Variants in PNKD observed in about 807,000 individuals in gnomAD.
The protein encoded by PNKD is probable thioesterase PNKD.
In PNKD, 36 loss-of-function variants were observed where a neutral mutation model predicts 45.3. The observed-to-expected ratio is 0.80, with a 90% CI of 0.61 to 1.05. The LOEUF (loss-of-function observed/expected upper bound fraction) is 1.05. Among genes scored for constraint, PNKD ranks in the 50% least tolerant of loss-of-function variants. The pLI, the probability that PNKD is intolerant of heterozygous loss-of-function variation, is 0.00. For missense variants in PNKD, 511 were observed against 506.6 expected, an observed-to-expected ratio of 1.01 and a Z score of -0.08; for synonymous variants, 197 against 210.1, an observed-to-expected ratio of 0.94 and a Z score of 0.54.
At chr2:218,278,327 A>C in intron 2 of PNKD, 1 of 641,802 alleles carries the variant, frequency 1.6e-6, no homozygotes, top group Non-Finnish European at 2.7e-6. Flanking sequence ...TAAGAGTGAC[A>C]GCTAGTTAGC....
intron 2 of PNKD, among the ~76,000 whole-genome samples, chr2:218,321,738 CT>C (rs1693990938): frequency 6.7e-6 from 1 of 149,812 alleles, no homozygotes; most frequent in African/African-American, 2.5e-5. Context: ...AAGCGATTCT[CT>C]TGCCTCAGGC....
chr2:218,343,913 T>C (rs1487174688), intron 8 of PNKD, among the ~76,000 whole-genome samples: 1 of 152,280 alleles, frequency 6.6e-6, no homozygotes, highest in Non-Finnish European at 1.5e-5. Flanking sequence ...TTTGCTTATC[T>C]GGGGAGAAGT....
At chr2:218,323,133 G>A (rs1322848953) in intron 2 of PNKD, 1 of 1,305,042 alleles carries the variant, frequency 7.7e-7, no homozygotes, top group Non-Finnish European at 9.7e-7. Context: ...GTCCAAAGGA[G>A]AGGTCAATGG....
chr2:218,296,653 C>G (rs1191453430), intron 2 of PNKD, among the ~76,000 whole-genome samples: 1 of 151,968 alleles, frequency 6.6e-6, no homozygotes, highest in Non-Finnish European at 1.5e-5. Context: ...AAAGAAGTTG[C>G]CTTTTTTCTG....
chr2:218,279,022 A>G, intron 2 of PNKD: 1 of 1,613,982 alleles, frequency 6.2e-7, no homozygotes, highest in East Asian at 2.2e-5. Context: ...CCAACCACAG[A>G]GGAGCACACA....
At chr2:218,270,874 A>C (rs909781576) in intron 1 of PNKD, 1 of 388,610 alleles carries the variant, frequency 2.6e-6, no homozygotes, top group Non-Finnish European at 4.6e-6. Context: ...CACTCACCGC[A>C]GTGCAGAGGA....
intron 2 of PNKD, among the ~76,000 whole-genome samples, chr2:218,312,578 A>AAG (rs1553667059): frequency 2.0e-5 from 3 of 151,320 alleles, no homozygotes; most frequent in African/African-American, 7.3e-5. Flanking sequence ...AAAAAAAAAA[A>AAG]AAAGAAAACC....
intron 2 of PNKD, among the ~76,000 whole-genome samples, chr2:218,324,205 G>C (rs1027102137): frequency 3.9e-5 from 6 of 152,190 alleles, no homozygotes; most frequent in Non-Finnish European, 7.3e-5. Context: ...CAGGGAAGAA[G>C]ACAGGCCTCC....
At position 218,293,475 on chromosome 2, in the gene PNKD, A is replaced by C. The variant is rs571638354; in HGVS notation, c.236+21926A>C. On this transcript the variant is annotated intron_variant, in intron 2 of 9. Transcript: ENST00000273077. ...TGAGTTTCTGTGGTTCCAAAGTCCA[A>C]GTTCTTTCCATGACACCAAGGCTGC... Among the ~76,000 whole-genome samples the C allele has an allele frequency of 1.8e-3, 275 of 151,844 alleles. 1 individual carries two copies. The highest frequency in any genetic ancestry group is 6.4e-3 in the African/African-American group (264 of 41,430).
At chr2:218,334,649 A>C in intron 2 of PNKD, 2 of 699,194 alleles carry the variant, frequency 2.9e-6, no homozygotes, top group Admixed American at 4.0e-5. Flanking sequence ...AGCAAGACCC[A>C]AAAAAAGAAT....
In PNKD at chr2:218,344,933, G is replaced by A; in HGVS notation, c.1110G>A (p.Gln370=). The A allele has an allele frequency of 6.2e-7, 1 of 1,613,994 alleles. No homozygotes were observed. Among genetic ancestry groups the A allele is most frequent in the Non-Finnish European group, 8.5e-7 (1 of 1,179,978 alleles). Residue 370 remains glutamine, a synonymous_variant, in exon 10 of 10, where the codon CAG becomes CAA. Coordinates refer to ENST00000273077, the MANE Select transcript of PNKD (RefSeq NM_015488.5). ...PTGDDDYSRA[Q]LLEELRRLKD... ...GGGATGATGACTACTCCCGGGCCCA[G>A]CTCCTGGAAGAGCTCCGCCGGCTGA...
chr2:218,276,100 G>C (rs1489362511), intron 2 of PNKD: 1 of 1,611,050 alleles, frequency 6.2e-7, no homozygotes, highest in African/African-American at 1.3e-5. Context: ...AGGGGACAGA[G>C]AATGGCATTA....
intron 2 of PNKD, among the ~76,000 whole-genome samples, chr2:218,313,142 C>T (rs566564724): frequency 1.3e-3 from 195 of 150,282 alleles, no homozygotes; most frequent in Non-Finnish European, 2.4e-3. Flanking sequence ...CTCACTCTGT[C>T]GCCCAGGTTG....
intron 2 of PNKD, chr2:218,334,798 C>A (rs2106287276): frequency 2.9e-6 from 2 of 699,748 alleles, no homozygotes; most frequent in South Asian, 3.0e-5. Flanking sequence ...GTGGAGTTAG[C>A]CAGGTTTCTA....
chr2:218,303,832 C>A (rs543908818), intron 2 of PNKD, among the ~76,000 whole-genome samples: 1 of 152,106 alleles, frequency 6.6e-6, no homozygotes, highest in South Asian at 2.1e-4. Context: ...CCTCAGCCTC[C>A]CAAAGTGCTG....
chr2:218,343,396 G>T (rs183762547), intron 7 of PNKD, 104 bp from the exon 8 acceptor site: 1 of 914,068 alleles, frequency 1.1e-6, no homozygotes, highest in South Asian at 1.4e-5. Context: ...CAGGGCTGAC[G>T]GCCAGCCAGA....
intron 2 of PNKD, chr2:218,279,362 AGACG>A (rs1190105148): frequency 1.6e-5 from 25 of 1,561,482 alleles, no homozygotes; most frequent in Non-Finnish European, 2.1e-5. Flanking sequence ...ACCTGGACAC[AGACG>A]GCCGGGCATG....
chr2:218,282,060 G>A lies in PNKD; in HGVS notation c.236+10511G>A, dbSNP rs541726708. On this transcript the variant is annotated intron_variant, in intron 2 of 9. Transcript: ENST00000273077. Reference sequence around the variant, plus strand: ...TACCCTCCTGGCAGGACAGATGGCTGCCCATAGCCCCCAGGGGGCGGAGGG... The same window carrying A: ...TACCCTCCTGGCAGGACAGATGGCTACCCATAGCCCCCAGGGGGCGGAGGG... 5 of 1,592,304 alleles carry A rather than the reference G, an allele frequency of 3.1e-6. No individual in the cohort carries two copies. The African/African-American group carries it at 5.4e-5, about 17-fold the overall frequency.
intron 2 of PNKD, chr2:218,277,986 G>C: frequency 6.2e-7 from 1 of 1,614,112 alleles, no homozygotes; most frequent in Admixed American, 1.7e-5. Flanking sequence ...TGAAGGGAAA[G>C]AGAAGCCTTG....
Sources: gnomAD v4.1 joint callset for allele counts (sites outside exome capture counted in the v4.1 genomes callset) on GRCh38, gnomAD v4.1.1 for gene constraint, MANE v1.5 for transcripts, NCBI Gene and HGNC (gene_info 2026-07-23, HGNC 2026-07-21) for gene names.